The following FLT3 variants were observed in gnomAD, a reference collection of about 807,000 sequenced individuals.
FLT3 encodes the protein fms related receptor tyrosine kinase 3.
A neutral mutation model predicts 126.6 loss-of-function variants in FLT3; 46 were observed. That is an observed-to-expected ratio of 0.36 (90% CI 0.29 to 0.46). FLT3 has a LOEUF of 0.46. FLT3 is among the 20% of genes least tolerant of loss of function. The pLI is 1.00. For missense variants in FLT3, 1,069 were observed against 1,190.3 expected, an observed-to-expected ratio of 0.90 and a Z score of 1.50; for synonymous variants, 404 against 434.4, an observed-to-expected ratio of 0.93 and a Z score of 0.87.
chr13:28,011,707 T>TCCTTCC (rs1395154262), intron 23 of FLT3, among the ~76,000 whole-genome samples: 11 of 53,148 alleles, frequency 2.1e-4, no homozygotes, highest in South Asian at 1.9e-3. Context: ...TTCTTTCTCT[T>TCCTTCC]TTTCTCTTTC....
intron 3 of FLT3, among the ~76,000 whole-genome samples, chr13:28,060,240 C>CAAAAAAAA (rs71086821): frequency 8.8e-6 from 1 of 113,064 alleles, no homozygotes; most frequent in African/African-American, 3.4e-5. Context: ...ACTAAAAATA[C>CAAAAAAAA]AAAAAAAAAA....
chr13:28,060,559 C>G (rs1475534255), intron 3 of FLT3, among the ~76,000 whole-genome samples: 1 of 149,530 alleles, frequency 6.7e-6, no homozygotes, highest in East Asian at 1.9e-4. Flanking sequence ...TTTCTATATA[C>G]TTATATATGT....
intron 1 of FLT3, among the ~76,000 whole-genome samples, chr13:28,080,819 C>T (rs1460488339): frequency 1.3e-5 from 2 of 152,176 alleles, no homozygotes; most frequent in Non-Finnish European, 2.9e-5. Flanking sequence ...ACTTTTCATA[C>T]ATTATGACAT....
chr13:28,018,829 A>G (rs1228917679), intron 19 of FLT3, among the ~76,000 whole-genome samples: 3 of 152,244 alleles, frequency 2.0e-5, no homozygotes, highest in Non-Finnish European at 2.9e-5. Flanking sequence ...CCCAGAGGCC[A>G]AAGAGGAGCA....
chr13:28,051,026 A>G (rs73154827), intron 5 of FLT3, among the ~76,000 whole-genome samples: 2,069 of 152,274 alleles, frequency 0.014, 57 homozygotes, highest in African/African-American at 0.046. Flanking sequence ...TAGCAATCCT[A>G]TAAGTATCTG....
At chr13:28,047,703 C>T (rs1334174843) in intron 9 of FLT3, among the ~76,000 whole-genome samples, 1 of 93,286 alleles carries the variant, frequency 1.1e-5, no homozygotes, top group African/African-American at 3.9e-5. Flanking sequence ...CAGAGTGAGA[C>T]CTCATCTCAA....
intron 12 of FLT3, 99 bp downstream of exon 12, chr13:28,035,396 T>G: frequency 8.9e-7 from 1 of 1,118,146 alleles, no homozygotes; most frequent in Middle Eastern, 2.1e-4. Flanking sequence ...ACTGACCCTA[T>G]ACTCTCCTGT....
At chr13:28,020,845 A>G (rs1872321773) in intron 19 of FLT3, among the ~76,000 whole-genome samples, 1 of 152,138 alleles carries the variant, frequency 6.6e-6, no homozygotes, top group South Asian at 2.1e-4. Context: ...CCAGAGGAAT[A>G]TCAGGGAGGG....
At chr13:28,025,214 GGGTGGCATTTTATAAAAGAGAAA>G in intron 17 of FLT3, 1 of 478,028 alleles carries the variant, frequency 2.1e-6, no homozygotes, top group Non-Finnish European at 3.8e-6. Flanking sequence ...CCTATGAGAT[GGGTGGCATTTTATAAAAGAGAAA>G]TTAGGCACAG....
chr13:28,033,906 A>C lies in FLT3; in HGVS notation c.1923T>G (p.Val641=). 1 of 1,614,116 alleles carries C rather than the reference A, an allele frequency of 6.2e-7. No individual in the cohort carries two copies. The highest frequency in any genetic ancestry group is 8.5e-7 in the Non-Finnish European group (1 of 1,179,974). Residue 641 remains valine, a synonymous_variant, in exon 15 of 24, where the codon GTT becomes GTG. Transcript: ENST00000241453. ...CTGTACCTTTCAGCATTTTGACGGCAACCTGGATTGAGACTCCTGTTTTGC... is the reference window on the plus strand; with the variant it reads ...CTGTACCTTTCAGCATTTTGACGGCCACCTGGATTGAGACTCCTGTTTTGC... The part of the protein sequence containing the change: ...GISKTGVSIQ[V]AVKMLKEKAD...
chr13:28,091,703 G>A (rs1416428995), intron 1 of FLT3, among the ~76,000 whole-genome samples: 1 of 152,136 alleles, frequency 6.6e-6, no homozygotes, highest in Non-Finnish European at 1.5e-5. Flanking sequence ...GGGAAGCCAA[G>A]GTGGGAGGGT....
chr13:28,029,656 G>T (rs1317811587), intron 15 of FLT3, among the ~76,000 whole-genome samples: 2 of 152,226 alleles, frequency 1.3e-5, no homozygotes, highest in Non-Finnish European at 2.9e-5. Flanking sequence ...GAGCATGGTT[G>T]ACTCTAGCCT....
Position 28,049,376 on chromosome 13 carries a change from T to C in FLT3, c.1036+8A>G, listed in dbSNP as rs1593260452. Reference sequence around the variant, plus strand: ...AGGAATAAAGATTGTGTGAGCAGCCTGCATTACCTACGATGGTAACCAAAG... The same window carrying C: ...AGGAATAAAGATTGTGTGAGCAGCCCGCATTACCTACGATGGTAACCAAAG... On this transcript the variant is annotated splice_region_variant and intron_variant, in intron 8 of 23. Transcript: ENST00000241453. 6 of 1,610,824 alleles carry C rather than the reference T, an allele frequency of 3.7e-6. No homozygotes were observed. The highest frequency in any genetic ancestry group is 4.2e-6 in the Non-Finnish European group (5 of 1,178,398).
Position 28,034,099 on chromosome 13 carries a change from C to A in FLT3, c.1820G>T (p.Arg607Ile), listed in dbSNP as rs2137674628. The A allele has an allele frequency of 6.2e-7, 1 of 1,613,624 alleles. No individual in the cohort carries two copies. Among genetic ancestry groups the A allele is most frequent in the Non-Finnish European group, 8.5e-7 (1 of 1,179,908 alleles). The part of the protein sequence containing the change: ...YEYDLKWEFP[R>I]ENLEFGKVLG... ...ATTCTTACCAAACTCTAAATTTTCT[C>A]TTGGAAACTCCCATTTGAGATCATA... Residue 607 changes from arginine (R) to isoleucine (I), a missense_variant, in exon 14 of 24, where the codon AGA becomes ATA. By Grantham distance (97) the Arg-to-Ile change is moderately conservative. Transcript: ENST00000241453.
At chr13:28,015,736 T>C (rs1001301663) in intron 20 of FLT3, 35 bp from the exon 21 acceptor site, 2 of 1,275,382 alleles carry the variant, frequency 1.6e-6, no homozygotes, top group South Asian at 2.4e-5. Context: ...GATGGTGAAT[T>C]TTCCACATAC....
intron 15 of FLT3, among the ~76,000 whole-genome samples, chr13:28,033,675 AAGAG>A (rs1314358264): frequency 6.6e-6 from 1 of 152,124 alleles, no homozygotes; most frequent in Non-Finnish European, 1.5e-5. Context: ...AAAATAAACA[AAGAG>A]AGAAGTGGAA....
chr13:28,017,359 A>T (rs756347810), intron 20 of FLT3, among the ~76,000 whole-genome samples: 16 of 151,868 alleles, frequency 1.1e-4, no homozygotes, highest in Non-Finnish European at 1.9e-4. Flanking sequence ...AGTAGCTGAG[A>T]CCACAGGCGT....
intron 21 of FLT3, among the ~76,000 whole-genome samples, 164 bp from the exon 22 acceptor site, chr13:28,015,420 T>A (rs1871753203): frequency 6.7e-6 from 1 of 148,912 alleles, no homozygotes; most frequent in Non-Finnish European, 1.5e-5. Flanking sequence ...CTCAAGCAGG[T>A]TATAGACCAG....
chr13:28,021,011 C>T (rs927131225), intron 19 of FLT3, among the ~76,000 whole-genome samples: 2 of 152,138 alleles, frequency 1.3e-5, no homozygotes, highest in African/African-American at 2.4e-5. Flanking sequence ...CCTTGACTGC[C>T]AGTTGGGAGT....
Sources: allele counts gnomAD v4.1 joint callset (sites outside exome capture counted in the v4.1 genomes callset), GRCh38; gene constraint gnomAD v4.1.1; transcripts MANE v1.5; gene names NCBI Gene and HGNC (gene_info 2026-07-23, HGNC 2026-07-21).